The following NID2 variants were observed in gnomAD, a reference collection of about 807,000 sequenced individuals.
NID2 encodes the protein nidogen-2.
NID2 carries 83 observed loss-of-function variants against 145.4 expected under a neutral mutation model. The observed-to-expected ratio is 0.57, with a 90% CI of 0.48 to 0.69. The LOEUF (loss-of-function observed/expected upper bound fraction) is 0.69. NID2 is among the 30% of genes least tolerant of loss of function. The pLI is 0.00. For synonymous variants in NID2, 739 were observed against 701.3 expected, an observed-to-expected ratio of 1.05 and a Z score of -0.85; for missense variants, 1,807 against 1,765.7, an observed-to-expected ratio of 1.02 and a Z score of -0.42.
chr14:52,038,621 A>G (rs1892158931), intron 9 of NID2, 126 bp downstream of exon 9: 2 of 664,388 alleles, frequency 3.0e-6, no homozygotes, highest in African/African-American at 1.9e-5. Context: ...GATCTGCTCT[A>G]TTCATCCTTA....
chr14:52,068,399 C>T (rs998389965), intron 1 of NID2, among the ~76,000 whole-genome samples: 11 of 152,214 alleles, frequency 7.2e-5, no homozygotes, highest in African/African-American at 2.4e-4. Flanking sequence ...CCCTCACAAC[C>T]CCGGAGCCCC....
rs1762636114 is a variant in NID2, at chr14:52,014,399, G to C, written c.3308C>G (p.Pro1103Arg). ...GAGCAGGAAGGTGCCCACAGATGGAGGGGTCACATCTGGCCGGGGCGTGGG... is the reference window on the plus strand; with the variant it reads ...GAGCAGGAAGGTGCCCACAGATGGACGGGTCACATCTGGCCGGGGCGTGGG... The part of the protein sequence containing the change: ...VRPTPRPDVT[P>R]PSVGTFLLYT... Residue 1103 changes from proline to arginine, a missense_variant, in exon 16 of 22, where the codon CCT becomes CGT. Physicochemically the swap from Pro to Arg is moderately radical, Grantham distance 103. Coordinates refer to ENST00000216286, the MANE Select transcript of NID2 (RefSeq NM_007361.4). 2 of 1,614,094 alleles carry C rather than the reference G, an allele frequency of 1.2e-6. No homozygotes were observed. The highest frequency in any genetic ancestry group is 2.2e-5 in the South Asian group (2 of 91,088).
At position 52,054,098 on chromosome 14, in the gene NID2, C is replaced by T. The variant is rs748704826; in HGVS notation, c.991G>A (p.Glu331Lys). 6.2e-7 allele frequency: 1 copy of T among 1,614,176 alleles called. No individual in the cohort carries two copies. The highest frequency in any genetic ancestry group is 1.1e-5 in the South Asian group (1 of 91,076). The change falls in exon 4 of 22, where the codon GAA (glutamate) becomes AAA (lysine). Residue 331 changes from glutamate to lysine, a missense_variant. Transcript: ENST00000216286. ...NEEEAEYLPG[E>K]PEEALNGHSS... is the part of the protein sequence containing the mutation. Reference sequence around the variant, plus strand: ...TGGCCATTCAATGCCTCCTCTGGTTCACCCGGAAGGTATTCAGCTTCCTCC... The same window carrying T: ...TGGCCATTCAATGCCTCCTCTGGTTTACCCGGAAGGTATTCAGCTTCCTCC...
chr14:52,047,841 G>C (rs894050321), intron 5 of NID2, among the ~76,000 whole-genome samples: 9 of 152,260 alleles, frequency 5.9e-5, no homozygotes, highest in African/African-American at 2.2e-4. Context: ...CCTCAGCACA[G>C]CACCATGCAG....
chr14:52,024,195 C>T (rs1302289261), intron 12 of NID2, among the ~76,000 whole-genome samples: 1 of 152,180 alleles, frequency 6.6e-6, no homozygotes, highest in African/African-American at 2.4e-5. Context: ...AAGATGGCCC[C>T]CAACAGTCCC....
Position 52,067,898 on chromosome 14 carries a change from G to A in NID2, c.494C>T (p.Ala165Val), listed in dbSNP as rs757781562. 6.2e-7 allele frequency: 1 copy of A among 1,612,894 alleles called. No homozygotes were observed. Residue 165 changes from alanine to valine, a missense_variant, in exon 2 of 22, where the codon GCT (alanine) becomes GTT (valine). Transcript: ENST00000216286. Reference protein sequence around the residue: ...AFLATWEQVGAYEEVKRGALP... With the variant: ...AFLATWEQVGVYEEVKRGALP... ...CGCCCCGCGCTTGACCTCCTCGTAA[G>A]CGCCTACCTGCTCCCAGGTGGCCAG...
chr14:52,011,380 T>C (rs1013740708), intron 17 of NID2, among the ~76,000 whole-genome samples, 174 bp downstream of exon 17: 8 of 152,210 alleles, frequency 5.3e-5, no homozygotes, highest in African/African-American at 1.9e-4. Context: ...TCATTCCGTA[T>C]GTATGAAGGT....
intron 9 of NID2, among the ~76,000 whole-genome samples, chr14:52,037,455 G>A (rs1042217602): frequency 3.9e-5 from 6 of 152,132 alleles, no homozygotes; most frequent in African/African-American, 1.4e-4. Context: ...TCCCGGCACT[G>A]TTGTTGAAAA....
At position 52,023,615 on chromosome 14, in the gene NID2, C is replaced by G. The variant is rs879541621; in HGVS notation, c.2675-3437G>C. On this transcript the variant is annotated intron_variant, in intron 12 of 21. Transcript: ENST00000216286. ...ACCCAGCTTCCTCCACTCACACTTG[C>G]TCCTCCTGGGAAGGTCCCAACTCAA... is the stretch of plus-strand genomic sequence containing the variant. Among the ~76,000 whole-genome samples, 98 of 152,270 alleles carry G rather than the reference C, an allele frequency of 6.4e-4. 1 individual carries two copies. The highest frequency in any genetic ancestry group is 5.6e-3 in the Admixed American group (86 of 15,296).
At chr14:52,040,976 T>A in intron 7 of NID2, 125 bp from the exon 8 acceptor site, 1 of 790,210 alleles carries the variant, frequency 1.3e-6, no homozygotes, top group Non-Finnish European at 2.1e-6. Context: ...TTATCTGATA[T>A]CTGAGAGTAA....
intron 8 of NID2, among the ~76,000 whole-genome samples, chr14:52,039,718 T>C (rs867774365): frequency 2.0e-5 from 3 of 152,354 alleles, no homozygotes; most frequent in Middle Eastern, 3.4e-3. Flanking sequence ...GGCAGCATCC[T>C]GTGCGCAGGT....
Position 52,027,326 on chromosome 14 carries a change from T to C in NID2, c.2549A>G (p.Asn850Ser). 6.3e-7 allele frequency: 1 copy of C among 1,576,132 alleles called. No homozygotes were observed. The highest frequency in any genetic ancestry group is 1.2e-5 in the South Asian group (1 of 85,952). Residue 850 changes from asparagine to serine, a missense_variant, in exon 12 of 22, where the codon AAC becomes AGC. By Grantham distance (46) the Asn-to-Ser change is conservative. Transcript: ENST00000216286. ...GGTATGACTGCCATCCTCACAGGGGTTGGCAGGTGGGGTGATCACTGAAAA... is the reference window on the plus strand; with the variant it reads ...GGTATGACTGCCATCCTCACAGGGGCTGGCAGGTGGGGTGATCACTGAAAA... ...HTCILITPPA[N>S]PCEDGSHTCA...
At chr14:52,012,687 A>G (rs1012201056) in intron 16 of NID2, among the ~76,000 whole-genome samples, 1 of 151,414 alleles carries the variant, frequency 6.6e-6, no homozygotes, top group African/African-American at 2.4e-5. Context: ...TCTCCTCCTC[A>G]TTGCTAAATA....
At chr14:52,023,520 G>A (rs1891474715) in intron 12 of NID2, among the ~76,000 whole-genome samples, 1 of 151,816 alleles carries the variant, frequency 6.6e-6, no homozygotes, top group African/African-American at 2.4e-5. Flanking sequence ...GGAAACCCAA[G>A]AAAGAATAAT....
At chr14:52,028,657 C>T (rs7144352) in intron 11 of NID2, 65 bp downstream of exon 11, 1,536,870 of 1,549,332 alleles carry the variant, frequency 0.99, 762,415 homozygotes, top group Non-Finnish European at 1. Flanking sequence ...AAAACACTGA[C>T]AGATTAAAGA....
At position 52,069,059 on chromosome 14, in the gene NID2, C is replaced by T; in HGVS notation, c.-65G>A. On this transcript the variant is annotated 5_prime_UTR_variant, in exon 1 of 22. Transcript: ENST00000216286. The stretch of plus-strand genomic sequence containing the variant: ...CCGCCCCGGCCTCCAGCCCACTCTC[C>T]GCGCCGCGCCAGCCTCGAACCTGGA... 2 of 1,342,296 alleles carry T rather than the reference C, an allele frequency of 1.5e-6. No individual in the cohort carries two copies. Among genetic ancestry groups the T allele is most frequent in the South Asian group, 1.4e-5 (1 of 72,506 alleles). 83.1% of individuals were successfully genotyped at this position (1,342,296 alleles called of 1,614,324 possible).
intron 16 of NID2, among the ~76,000 whole-genome samples, chr14:52,013,344 A>G (rs1324565606): frequency 6.6e-6 from 1 of 152,198 alleles, no homozygotes; most frequent in Non-Finnish European, 1.5e-5. Context: ...CTTCCAGAGA[A>G]AGTTTTACAA....
intron 16 of NID2, among the ~76,000 whole-genome samples, chr14:52,012,367 G>A (rs1252307865): frequency 6.6e-6 from 1 of 152,188 alleles, no homozygotes; most frequent in East Asian, 1.9e-4. Context: ...CCGTTGGGAG[G>A]CCAAAGCAGG....
At chr14:52,030,682 GGAAAA>G (rs1891828852) in intron 9 of NID2, among the ~76,000 whole-genome samples, 2 of 151,168 alleles carry the variant, frequency 1.3e-5, no homozygotes, top group African/African-American at 4.9e-5. Flanking sequence ...AGAAAGAAAA[GGAAAA>G]GAAAAGAAAG....
Sources: gnomAD v4.1 joint callset for allele counts (sites outside exome capture counted in the v4.1 genomes callset) on GRCh38, gnomAD v4.1.1 for gene constraint, MANE v1.5 for transcripts, NCBI Gene and HGNC (gene_info 2026-07-23, HGNC 2026-07-21) for gene names.